F2RL3: variants seen among roughly 807,000 people sequenced by gnomAD.
F2RL3 encodes proteinase-activated receptor 4.
Under a neutral mutation model 4.9 loss-of-function variants are expected in F2RL3, and 3 were observed. That is an observed-to-expected ratio of 0.61 (90% confidence interval 0.28 to 1.58). The LOEUF (loss-of-function observed/expected upper bound fraction) is 1.58. F2RL3 is among the 40% of genes most tolerant of loss of function. F2RL3 has a pLI of 0.11. For missense variants in F2RL3, 564 were observed against 550.4 expected (o/e 1.02, Z -0.25); for synonymous variants, 284 against 278.4 (o/e 1.02, Z -0.20).
rs747353327 is a variant in F2RL3, at chr19:16,890,272, C to T, written c.809C>T (p.Thr270Met). The stretch of plus-strand genomic sequence containing the variant: ...CTGTGCTACGGGGCCACCCTGCACA[C>T]GCTGGCGGCCAGCGGCCGGCGCTAC... ...MLLCYGATLH[T>M]LAASGRRYGH... The change falls in exon 2 of 2, where the codon ACG becomes ATG. Residue 270 changes from threonine (T) to methionine (M), a missense_variant. By Grantham distance (81) the Thr-to-Met change is moderately conservative. Coordinates refer to ENST00000248076, the MANE Select transcript of F2RL3 (RefSeq NM_003950.4). 28 of 1,559,456 alleles carry T rather than the reference C, an allele frequency of 1.8e-5. No homozygotes were observed. The highest frequency in any genetic ancestry group is 1.7e-4 in the Middle Eastern group (1 of 5,818).
rs569167504 is a variant in F2RL3 at position 16,889,410 on chromosome 19, C to T, written c.109+112C>T. The stretch of plus-strand genomic sequence containing the variant: ...AAGTTGCGGGCTTCAGCCCAGCCCA[C>T]TCTGTATCCCGTCTCTGACCCCATA... On this transcript the variant is annotated intron_variant, in intron 1 of 1. Transcript: ENST00000248076. 1.6e-5 allele frequency: 19 copies of T among 1,186,796 alleles called. No individual in the cohort carries two copies. In the East Asian group the frequency reaches 2.4e-4, roughly 15 times the overall value. 73.5% of individuals were successfully genotyped at this position (1,186,796 alleles called of 1,614,324 possible). A position where few individuals can be genotyped will look rare whatever the true frequency, so the allele number is the denominator to read the frequency against.
chr19:16,889,490 C>T, intron 1 of F2RL3, 83 bp from the exon 2 acceptor site: 1 of 1,366,662 alleles, frequency 7.3e-7, no homozygotes, highest in Non-Finnish European at 1.0e-6. Context: ...CAGGGCAGAC[C>T]CCAGGCTCTG....
rs200559914 is a variant in F2RL3 at position 16,889,866 on chromosome 19, T to C, written c.403T>C (p.Tyr135His). Residue 135 changes from tyrosine to histidine, a missense_variant, in exon 2 of 2, where the codon TAC becomes CAC. Tyr to His is a moderately conservative substitution (Grantham distance 83, BLOSUM62 2). Transcript: ENST00000248076. ...CCTGGCGCTGCCCCCGCGGATCGCCTACCACCTGCGTGGCCAGCGCTGGCC... is the reference window on the plus strand; with the variant it reads ...CCTGGCGCTGCCCCCGCGGATCGCCCACCACCTGCGTGGCCAGCGCTGGCC... Reference protein sequence around the residue: ...LALALPPRIAYHLRGQRWPFG... With the variant: ...LALALPPRIAHHLRGQRWPFG... 184 of 1,593,144 alleles carry C rather than the reference T, an allele frequency of 1.2e-4. No homozygotes were observed. Among genetic ancestry groups the C allele is most frequent in the Non-Finnish European group, 1.4e-4 (169 of 1,175,968 alleles).
At position 16,890,733 on chromosome 19, in the gene F2RL3, C is replaced by A; in HGVS notation, c.*112C>A. On this transcript the variant is annotated 3_prime_UTR_variant, in exon 2 of 2. Transcript: ENST00000248076. ...TTGGAAATAGGGTTGTTACAACTGT[C>A]ACTAGCGGAGGTCACTTTGGAGAAG... is the stretch of plus-strand genomic sequence containing the variant. 1.2e-6 allele frequency: 1 copy of A among 853,260 alleles called. No homozygotes were observed. The highest frequency in any genetic ancestry group is 1.8e-6 in the Non-Finnish European group (1 of 562,940). The allele number at this position is 853,260 out of a possible 1,614,324, so 52.9% of individuals were successfully genotyped here.
In F2RL3 at chr19:16,890,675, C is replaced by A; in HGVS notation, c.*54C>A. 1.5e-6 allele frequency: 2 copies of A among 1,296,684 alleles called. No individual in the cohort carries two copies. The highest frequency in any genetic ancestry group is 2.3e-5 in the Admixed American group (1 of 43,912). The allele number at this position is 1,296,684 out of a possible 1,614,324, so 80.3% of individuals were successfully genotyped here. On this transcript the variant is annotated 3_prime_UTR_variant, in exon 2 of 2. Coordinates refer to ENST00000248076, the MANE Select transcript of F2RL3 (RefSeq NM_003950.4). ...GAACAGGGTCCCTTCCCCCACTTCACGTCCTTCCTGGGACCTCAGAATGTG... is the reference window on the plus strand; with the variant it reads ...GAACAGGGTCCCTTCCCCCACTTCAAGTCCTTCCTGGGACCTCAGAATGTG...
rs777444551 is a variant in F2RL3, at chr19:16,889,756, C to T, written c.293C>T (p.Ala98Val). 10 of 1,600,556 alleles carry T rather than the reference C, an allele frequency of 6.2e-6. No homozygotes were observed. The highest frequency in any genetic ancestry group is 4.5e-5 in the East Asian group (2 of 44,740). Residue 98 changes from alanine to valine, a missense_variant, in exon 2 of 2, where the codon GCG becomes GTG. By Grantham distance (64) the Ala-to-Val change is moderately conservative. Transcript: ENST00000248076. ...GTGGGGCTGCCGGCCAATGGGCTGG[C>T]GCTGTGGGTGCTGGCCACGCAGGCA... The part of the protein sequence containing the change: ...LVVGLPANGL[A>V]LWVLATQAPR...
chr19:16,890,339 C>A lies in F2RL3; in HGVS notation c.876C>A (p.Ala292=). ...TGACCGCAGTGGTGCTGGCCTCCGC[C>A]GTGGCCTTCTTCGTGCCCAGCAACC... is the stretch of plus-strand genomic sequence containing the variant. ...LRLTAVVLAS[A]VAFFVPSNLL... is the part of the protein sequence containing the mutation. Residue 292 remains alanine (A), a synonymous_variant, in exon 2 of 2, where the codon GCC becomes GCA. Coordinates refer to ENST00000248076, the MANE Select transcript of F2RL3 (RefSeq NM_003950.4). The A allele has an allele frequency of 6.3e-7, 1 of 1,596,608 alleles. No homozygotes were observed. Among genetic ancestry groups the A allele is most frequent in the Non-Finnish European group, 8.5e-7 (1 of 1,175,592 alleles).
Position 16,889,580 on chromosome 19 carries a change from G to T in F2RL3, c.117G>T (p.Thr39=). 6.4e-7 allele frequency: 1 copy of T among 1,571,310 alleles called. No individual in the cohort carries two copies. Residue 39 remains threonine, a synonymous_variant, in exon 2 of 2, where the codon ACG becomes ACT. Transcript: ENST00000248076. The part of the protein sequence containing the change: ...SGSTGGGDDS[T]PSILPAPRGY... ...GTCCCCTCTCTCTCCCAGACAGCAC[G>T]CCCTCAATCCTGCCTGCCCCCCGCG...
rs749616353 is a variant in F2RL3 at position 16,889,752 on chromosome 19, C to T, written c.289C>T (p.Leu97=). 5 of 1,601,278 alleles carry T rather than the reference C, an allele frequency of 3.1e-6. No individual in the cohort carries two copies. The South Asian group carries it at 4.4e-5, about 14-fold the overall frequency. Residue 97 remains leucine (L), a synonymous_variant, in exon 2 of 2, where the codon CTG becomes TTG. Transcript: ENST00000248076. ...VLVVGLPANG[L]ALWVLATQAP... ...GGTGGTGGGGCTGCCGGCCAATGGG[C>T]TGGCGCTGTGGGTGCTGGCCACGCA...
In F2RL3 at chr19:16,889,021, C is replaced by G; in HGVS notation, c.-169C>G. 1.9e-6 allele frequency: 1 copy of G among 514,488 alleles called. No homozygotes were observed. Among genetic ancestry groups the G allele is most frequent in the East Asian group, 3.2e-5 (1 of 31,386 alleles). 31.9% of individuals were successfully genotyped at this position (514,488 alleles called of 1,614,324 possible). ...CATAACCCACACTCCAGTCCTCCCA[C>G]GGGCTGGCTGGCAAGCGGCCCTGGT... On this transcript the variant is annotated 5_prime_UTR_variant, in exon 1 of 2. Coordinates refer to ENST00000248076, the MANE Select transcript of F2RL3 (RefSeq NM_003950.4).
rs1228780193 is a variant in F2RL3 at position 16,890,091 on chromosome 19, C to T, written c.628C>T (p.Pro210Ser). The T allele has an allele frequency of 6.3e-7, 1 of 1,597,690 alleles. No homozygotes were observed. The highest frequency in any genetic ancestry group is 1.1e-5 in the South Asian group (1 of 90,942). The change falls in exon 2 of 2, where the codon CCC becomes TCC. Residue 210 changes from proline to serine, a missense_variant. Physicochemically the swap from Pro to Ser is moderately conservative, Grantham distance 74. Transcript: ENST00000248076. ...GCTCATGGCGGCCGCCCTGGCACTGCCCCTGACACTGCAGCGGCAGACCTT... is the reference window on the plus strand; with the variant it reads ...GCTCATGGCGGCCGCCCTGGCACTGTCCCTGACACTGCAGCGGCAGACCTT... ...AWLMAAALAL[P>S]LTLQRQTFRL...
rs554410900 is a variant in F2RL3 at position 16,890,873 on chromosome 19, G to A, written c.*252G>A. ...AGAGGCCAAGGCGGATGGATCACTT[G>A]AGCCCAGGAGTTCAACACCAGCCTG... On this transcript the variant is annotated 3_prime_UTR_variant, in exon 2 of 2. Coordinates refer to ENST00000248076, the MANE Select transcript of F2RL3 (RefSeq NM_003950.4). The A allele has an allele frequency of 5.0e-4, 251 of 503,764 alleles. No homozygotes were observed. In the Middle Eastern group the frequency reaches 5.7e-3, roughly 11 times the overall value. 31.2% of individuals were successfully genotyped at this position (503,764 alleles called of 1,614,324 possible). A position where few individuals can be genotyped will look rare whatever the true frequency, so the allele number is the denominator to read the frequency against.
Position 16,890,689 on chromosome 19 carries a change from C to T in F2RL3, c.*68C>T, listed in dbSNP as rs753501929. The T allele has an allele frequency of 2.6e-6, 3 of 1,168,794 alleles. No individual in the cohort carries two copies. Among genetic ancestry groups the T allele is most frequent in the South Asian group, 1.5e-5 (1 of 66,188 alleles). 72.4% of individuals were successfully genotyped at this position (1,168,794 alleles called of 1,614,324 possible). ...CCCCCACTTCACGTCCTTCCTGGGA[C>T]CTCAGAATGTGACCTTATTTGGAAA... is the stretch of plus-strand genomic sequence containing the variant. On this transcript the variant is annotated 3_prime_UTR_variant, in exon 2 of 2. Transcript: ENST00000248076.
Position 16,889,175 on chromosome 19 carries a change from A to C in F2RL3, c.-15A>C. The C allele has an allele frequency of 6.5e-7, 1 of 1,536,858 alleles. No individual in the cohort carries two copies. Among genetic ancestry groups the C allele is most frequent in the South Asian group, 1.2e-5 (1 of 83,066 alleles). ...GAAGCCTGAGGCCACAGCCCAGAGC[A>C]GCCTGAGTGCAGTCATGTGGGGGCG... is the stretch of plus-strand genomic sequence containing the variant. On this transcript the variant is annotated 5_prime_UTR_variant, in exon 1 of 2. Transcript: ENST00000248076.
Position 16,890,410 on chromosome 19 carries a change from GCA to G in F2RL3, c.948_949del (p.Asn317ProfsTer96), listed in dbSNP as rs1360460202. 6.2e-7 allele frequency: 1 copy of G among 1,611,562 alleles called. No individual in the cohort carries two copies. On this transcript the variant is annotated frameshift_variant, in exon 2 of 2. Coordinates refer to ENST00000248076, the MANE Select transcript of F2RL3 (RefSeq NM_003950.4). LOFTEE classifies it low-confidence loss of function (END_TRUNC). ...TCGGACCCGAGCCCCAGCGCCTGGG[GCA>G]ACCTCTATGGTGCCTACGTGCCCAG...
At position 16,890,579 on chromosome 19, in the gene F2RL3, G is replaced by A; in HGVS notation, c.1116G>A (p.Gly372=). ...TGGCCTCCAAGGCCTCTGCGGAAGG[G>A]GGCAGCCGGGGCATGGGCACCCACT... The part of the protein sequence containing the change: ...DTVASKASAE[G]GSRGMGTHSS... Residue 372 remains glycine (G), a synonymous_variant, in exon 2 of 2, where the codon GGG becomes GGA. Coordinates refer to ENST00000248076, the MANE Select transcript of F2RL3 (RefSeq NM_003950.4). 1 of 1,590,904 alleles carries A rather than the reference G, an allele frequency of 6.3e-7. No individual in the cohort carries two copies. The highest frequency in any genetic ancestry group is 8.5e-7 in the Non-Finnish European group (1 of 1,170,574).
Position 16,889,691 on chromosome 19 carries a change from C to T in F2RL3, c.228C>T (p.Pro76=). ...GGGCACTGCTTCTGGGCTGGGTGCC[C>T]ACCAGGCTGGTGCCCGCCCTCTATG... The part of the protein sequence containing the change: ...SSRALLLGWV[P]TRLVPALYGL... Residue 76 remains proline (P), a synonymous_variant, in exon 2 of 2, where the codon CCC becomes CCT. Transcript: ENST00000248076. 6 of 1,609,070 alleles carry T rather than the reference C, an allele frequency of 3.7e-6. No homozygotes were observed. Among genetic ancestry groups the T allele is most frequent in the Non-Finnish European group, 5.1e-6 (6 of 1,179,626 alleles).
chr19:16,889,468 GC>G (rs1568434369), intron 1 of F2RL3, 104 bp from the exon 2 acceptor site: 1 of 1,233,484 alleles, frequency 8.1e-7, no homozygotes, highest in African/African-American at 1.5e-5. Context: ...GTCATGTCCA[GC>G]TGTTTCCCAC....
intron 1 of F2RL3, 100 bp downstream of exon 1, chr19:16,889,398 C>A: frequency 8.2e-7 from 1 of 1,219,196 alleles, no homozygotes; most frequent in Non-Finnish European, 1.2e-6. Context: ...TTGCGGGCTT[C>A]AGCCCAGCCC....
Sources: gnomAD v4.1 joint callset for allele counts on GRCh38, gnomAD v4.1.1 for gene constraint, MANE v1.5 for transcripts, NCBI Gene and HGNC (gene_info 2026-07-23, HGNC 2026-07-21) for gene names.